Variants in NUP93 observed in about 807,000 individuals in gnomAD.
NUP93 encodes nucleoporin 93, also known as nuclear pore complex protein Nup93.
NUP93 carries 55 observed loss-of-function variants against 107.8 expected under a neutral mutation model. That is an observed-to-expected ratio of 0.51 (90% CI 0.41 to 0.64). The LOEUF is 0.64. Among genes scored for constraint, NUP93 ranks in the 30% least tolerant of loss-of-function variants. The pLI, the probability that NUP93 is intolerant of heterozygous loss-of-function variation, is 0.00. For missense variants in NUP93, 937 were observed against 1,044.7 expected (o/e 0.90, Z 1.42); for synonymous variants, 390 against 397.5 (o/e 0.98, Z 0.22).
chr16:56,747,406 T>G (rs1961838511), intron 1 of NUP93, among the ~76,000 whole-genome samples: 1 of 152,256 alleles, frequency 6.6e-6, no homozygotes, highest in Admixed American at 6.5e-5. Flanking sequence ...CAGTATATAT[T>G]CTGTACTACT....
In NUP93 at chr16:56,846,108, C is replaced by T. The variant is rs943781028; in HGVS notation, c.*1499C>T. On this transcript the variant is annotated 3_prime_UTR_variant, in exon 22 of 22. Coordinates refer to ENST00000308159, the MANE Select transcript of NUP93 (RefSeq NM_014669.5). ...AAGCTAATCAAATGATTTAATAGTG[C>T]TTTTTAAAAAAGAGTACTCCTGGCC... is the stretch of plus-strand genomic sequence containing the variant. The T allele has an allele frequency of 6.6e-6, 1 of 152,174 alleles. No individual in the cohort carries two copies. Among genetic ancestry groups the T allele is most frequent in the African/African-American group, 2.4e-5 (1 of 41,422 alleles). The allele number at this position is 152,174 out of a possible 1,614,324, so 9.4% of individuals were successfully genotyped here.
intron 1 of NUP93, among the ~76,000 whole-genome samples, chr16:56,741,293 A>G (rs1341741191): frequency 6.6e-6 from 1 of 152,234 alleles, no homozygotes; most frequent in African/African-American, 2.4e-5. Flanking sequence ...AAAAGCTAAA[A>G]TAGCATTTTA....
At chr16:56,758,399 A>G (rs975984287) in intron 2 of NUP93, 139 bp from the exon 3 acceptor site, 33 of 662,764 alleles carry the variant, frequency 5.0e-5, no homozygotes, top group Admixed American at 3.2e-4. Flanking sequence ...TAAAACAACT[A>G]TGTAAAAGTG....
chr16:56,768,683 G>A (rs140337114), intron 3 of NUP93, among the ~76,000 whole-genome samples: 13,245 of 150,534 alleles, frequency 0.088, 861 homozygotes, highest in African/African-American at 0.18. Context: ...TGGCTAACAC[G>A]GTGAAACCCT....
chr16:56,803,802 C>T (rs558717215), intron 4 of NUP93, among the ~76,000 whole-genome samples: 2 of 151,956 alleles, frequency 1.3e-5, no homozygotes, highest in Non-Finnish European at 2.9e-5. Flanking sequence ...GACAGTCTTG[C>T]TCTGTTGCCC....
At chr16:56,823,624 C>T in intron 7 of NUP93, 83 bp from the exon 8 acceptor site, 1 of 1,514,550 alleles carries the variant, frequency 6.6e-7, no homozygotes, top group Non-Finnish European at 9.0e-7. Context: ...ATTCTGCCCC[C>T]TTTGGAGGTC....
rs201044540 is a variant in NUP93 at position 56,768,727 on chromosome 16, T to C, written c.297+10072T>C. 2.1e-3 allele frequency among the ~76,000 whole-genome samples: 311 copies of C among 145,178 alleles called. 9 individuals carry two copies. The East Asian group carries it at 0.061, about 28-fold the overall frequency. ...TAAAAAATACAAAAAATTAGCCTGG[T>C]GTGGTGGCGGGCGCCTGTAGTCCCA... On this transcript the variant is annotated intron_variant, in intron 3 of 21. Coordinates refer to ENST00000308159, the MANE Select transcript of NUP93 (RefSeq NM_014669.5).
Position 56,738,104 on chromosome 16 carries a change from G to A in NUP93, c.-15+7893G>A, listed in dbSNP as rs563262562. Among the ~76,000 whole-genome samples, 3 of 152,316 alleles carry A rather than the reference G, an allele frequency of 2.0e-5. 1 individual carries two copies. In the East Asian group the frequency reaches 5.8e-4, roughly 29 times the overall value. On this transcript the variant is annotated intron_variant, in intron 1 of 21. Coordinates refer to ENST00000308159, the MANE Select transcript of NUP93 (RefSeq NM_014669.5). ...CTGTTTCCCAGGAAGCATCAAGTAA[G>A]TTTAAAGACCGAATTAAAACATCTC...
At chr16:56,808,096 C>T (rs1963186231) in intron 5 of NUP93, among the ~76,000 whole-genome samples, 2 of 128,110 alleles carry the variant, frequency 1.6e-5, no homozygotes, top group Non-Finnish European at 1.6e-5. Context: ...TATAAATATA[C>T]ACACACATAT....
chr16:56,833,102 C>A, intron 12 of NUP93, 113 bp from the exon 13 acceptor site: 1 of 862,502 alleles, frequency 1.2e-6, no homozygotes, highest in Non-Finnish European at 1.8e-6. Context: ...CTGGTGCTTT[C>A]TTCCTGTCCA....
intron 3 of NUP93, among the ~76,000 whole-genome samples, chr16:56,787,918 AC>A (rs1962665146): frequency 6.6e-6 from 1 of 152,116 alleles, no homozygotes; most frequent in South Asian, 2.1e-4. Flanking sequence ...ATCTATTTAT[AC>A]CTTGGGTGAG....
intron 19 of NUP93, 74 bp from the exon 20 acceptor site, chr16:56,839,447 G>A: frequency 1.6e-6 from 2 of 1,223,524 alleles, no homozygotes; most frequent in Non-Finnish European, 2.3e-6. Context: ...TATGTGAGGT[G>A]CTGACTTTAC....
At chr16:56,734,304 A>C (rs1961579639) in intron 1 of NUP93, among the ~76,000 whole-genome samples, 1 of 152,246 alleles carries the variant, frequency 6.6e-6, no homozygotes, top group Non-Finnish European at 1.5e-5. Flanking sequence ...TTGGAGGAGA[A>C]TATTCCTGCA....
chr16:56,753,945 G>A (rs1469153712), intron 2 of NUP93, among the ~76,000 whole-genome samples: 1 of 151,986 alleles, frequency 6.6e-6, no homozygotes, highest in Non-Finnish European at 1.5e-5. Flanking sequence ...GGGGCTGGGT[G>A]ATGGGTATGA....
chr16:56,811,320 C>T (rs1260640299), intron 5 of NUP93, among the ~76,000 whole-genome samples: 2 of 152,050 alleles, frequency 1.3e-5, no homozygotes, highest in East Asian at 1.9e-4. Context: ...TATGTGGAAC[C>T]TTGTGTTTTT....
intron 10 of NUP93, chr16:56,831,478 A>T (rs1375410720): frequency 5.7e-6 from 1 of 175,250 alleles, no homozygotes. Flanking sequence ...ATCTCACATG[A>T]ATAAGGGAGT....
Position 56,730,749 on chromosome 16 carries a change from A to T in NUP93, c.-15+538A>T, listed in dbSNP as rs141999312. On this transcript the variant is annotated intron_variant, in intron 1 of 21. Coordinates refer to ENST00000308159, the MANE Select transcript of NUP93 (RefSeq NM_014669.5). ...GGTGATTGGAACCCAGGGGTGGCCCACCCTTCTCTGTGCTTACTCCATCCC... is the reference window on the plus strand; with the variant it reads ...GGTGATTGGAACCCAGGGGTGGCCCTCCCTTCTCTGTGCTTACTCCATCCC... Among the ~76,000 whole-genome samples, 6 of 151,890 alleles carry T rather than the reference A, an allele frequency of 4.0e-5. No individual in the cohort carries two copies. The East Asian group carries it at 1.2e-3, about 30-fold the overall frequency.
intron 5 of NUP93, among the ~76,000 whole-genome samples, chr16:56,806,416 G>A (rs10221121): frequency 0.26 from 39,853 of 151,756 alleles, 5,445 homozygotes; most frequent in Non-Finnish European, 0.29. Flanking sequence ...ACTGGTTGTT[G>A]TTATTGCCGT....
At chr16:56,838,563 A>C (rs181540673) in intron 18 of NUP93, among the ~76,000 whole-genome samples, 2 of 151,814 alleles carry the variant, frequency 1.3e-5, no homozygotes, top group Non-Finnish European at 2.9e-5. Flanking sequence ...CTTTTTATAC[A>C]TTTTTTTTGT....
Sources: allele counts gnomAD v4.1 joint callset (sites outside exome capture counted in the v4.1 genomes callset), GRCh38; gene constraint gnomAD v4.1.1; transcripts MANE v1.5; gene names NCBI Gene and HGNC (gene_info 2026-07-23, HGNC 2026-07-21).